GNG7: variants seen among roughly 807,000 people sequenced by gnomAD.
GNG7 encodes guanine nucleotide-binding protein G(I)/G(S)/G(O) subunit gamma-7.
GNG7 carries 1 observed loss-of-function variant against 4.0 expected under a neutral mutation model. That is an observed-to-expected ratio of 0.25 (90% CI 0.09 to 1.18). The LOEUF is 1.18. Ranked by LOEUF, GNG7 falls within the 50% of genes most tolerant of loss-of-function variation. The probability of loss-of-function intolerance (pLI) is 0.50; values close to 1 mark genes in which losing one functional copy is unlikely to be tolerated. For synonymous variants in GNG7, 34 were observed against 36.9 expected (o/e 0.92, Z 0.29); for missense variants, 86 against 91.9 (o/e 0.94, Z 0.26).
At chr19:2,518,248 C>G (rs981774719) in intron 4 of GNG7, among the ~76,000 whole-genome samples, 2 of 151,918 alleles carry the variant, frequency 1.3e-5, no homozygotes, top group East Asian at 3.9e-4. Flanking sequence ...CTGGCTCCCC[C>G]CGAGGCCCGA....
chr19:2,674,126 T>C (rs1354132727), intron 1 of GNG7, among the ~76,000 whole-genome samples: 3 of 152,080 alleles, frequency 2.0e-5, no homozygotes, highest in African/African-American at 4.8e-5. Flanking sequence ...TAGCCAGGTG[T>C]AGTGGCACCT....
intron 2 of GNG7, among the ~76,000 whole-genome samples, chr19:2,574,966 G>A (rs530631431): frequency 8.5e-5 from 13 of 152,314 alleles, no homozygotes; most frequent in Admixed American, 7.8e-4. Context: ...AAGGCTATCA[G>A]CTCCAGCTGC....
intron 3 of GNG7, among the ~76,000 whole-genome samples, chr19:2,548,038 C>G (rs1979184996): frequency 6.6e-6 from 1 of 152,148 alleles, no homozygotes; most frequent in South Asian, 2.1e-4. Flanking sequence ...CTAGAGGTCA[C>G]CAGTATCATG....
intron 2 of GNG7, among the ~76,000 whole-genome samples, chr19:2,603,693 T>C (rs561967845): frequency 3.3e-5 from 5 of 152,230 alleles, no homozygotes; most frequent in African/African-American, 1.2e-4. Flanking sequence ...GCTAGGAGGA[T>C]CATTTCAGTT....
At chr19:2,564,756 G>A (rs1025110614) in intron 2 of GNG7, among the ~76,000 whole-genome samples, 2 of 152,176 alleles carry the variant, frequency 1.3e-5, no homozygotes, top group African/African-American at 2.4e-5. Flanking sequence ...GCCTAGCCCT[G>A]CAGACACCTT....
chr19:2,600,732 T>C (rs1981174149), intron 2 of GNG7, among the ~76,000 whole-genome samples: 1 of 151,834 alleles, frequency 6.6e-6, no homozygotes, highest in Non-Finnish European at 1.5e-5. Context: ...CACCTTGACC[T>C]CTCAAAGCGC....
At chr19:2,666,757 T>A (rs148690524) in intron 1 of GNG7, among the ~76,000 whole-genome samples, 6 of 152,372 alleles carry the variant, frequency 3.9e-5, no homozygotes, top group Non-Finnish European at 8.8e-5. Flanking sequence ...AGCCATAGAC[T>A]ATGCATAAAT....
At chr19:2,569,448 TG>T (rs1980079013) in intron 2 of GNG7, among the ~76,000 whole-genome samples, 1 of 152,116 alleles carries the variant, frequency 6.6e-6, no homozygotes, top group Non-Finnish European at 1.5e-5. Flanking sequence ...GCTAATTTTT[TG>T]TATTTTTAGT....
rs555939034 is a variant in GNG7, at chr19:2,528,852, G to A, written c.-37-8127C>T. On this transcript the variant is annotated intron_variant, in intron 3 of 4. Transcript: ENST00000382159. ...TGTGTGAGGAAACAGGGGTTCCAGA[G>A]TCTGGCAGGCAGGAAGAGGACCCTC... Among the ~76,000 whole-genome samples the A allele has an allele frequency of 7.9e-5, 12 of 152,368 alleles. No individual in the cohort carries two copies. The East Asian group carries it at 2.3e-3, about 29-fold the overall frequency.
chr19:2,680,526 T>G (rs1182719747), intron 1 of GNG7, among the ~76,000 whole-genome samples: 2 of 151,682 alleles, frequency 1.3e-5, no homozygotes, highest in Non-Finnish European at 2.9e-5. Context: ...CCACATAGAC[T>G]AACAGTGGGT....
chr19:2,589,092 C>T (rs1980762096), intron 2 of GNG7, among the ~76,000 whole-genome samples: 1 of 150,722 alleles, frequency 6.6e-6, no homozygotes, highest in Admixed American at 6.6e-5. Flanking sequence ...CCACACCTGG[C>T]TAATTTTGTA....
chr19:2,557,268 TGC>T lies in GNG7; in HGVS notation c.-77-2082_-77-2081del, dbSNP rs1979588056. 6.9e-6 allele frequency among the ~76,000 whole-genome samples: 1 copy of T among 145,400 alleles called. No homozygotes were observed. Among genetic ancestry groups the T allele is most frequent in the African/African-American group, 2.7e-5 (1 of 37,432 alleles). On this transcript the variant is annotated intron_variant, in intron 2 of 4. Coordinates refer to ENST00000382159, the MANE Select transcript of GNG7 (RefSeq NM_052847.3). This position sits in a 1 kb window ranked among gnomAD's most constrained non-coding sequence, Gnocchi z 5.1. ...GTGCACACACACGTGCACACACATT[TGC>T]ACACACAGACACGTGCACACACAGA...
intron 2 of GNG7, among the ~76,000 whole-genome samples, chr19:2,627,564 C>T (rs1193044427): frequency 6.6e-6 from 1 of 152,222 alleles, no homozygotes; most frequent in African/African-American, 2.4e-5. Flanking sequence ...TCTGTCACTC[C>T]CGGCTGATTC....
At chr19:2,520,049 T>C (rs1978299647) in intron 4 of GNG7, among the ~76,000 whole-genome samples, 2 of 152,102 alleles carry the variant, frequency 1.3e-5, no homozygotes, top group African/African-American at 4.8e-5. Context: ...GGCATGGTGG[T>C]GCATGCCTGT....
chr19:2,547,516 C>T (rs191862634), intron 3 of GNG7, among the ~76,000 whole-genome samples: 31 of 152,248 alleles, frequency 2.0e-4, no homozygotes, highest in Admixed American at 1.3e-3. Flanking sequence ...TGCGCCCCCC[C>T]ACCCCGGATC....
At chr19:2,656,719 AC>A (rs1251489218) in intron 1 of GNG7, among the ~76,000 whole-genome samples, 1 of 152,150 alleles carries the variant, frequency 6.6e-6, no homozygotes, top group African/African-American at 2.4e-5. Flanking sequence ...GTGCGTGTTC[AC>A]TTACATATCA....
intron 2 of GNG7, among the ~76,000 whole-genome samples, chr19:2,576,697 C>T (rs1980352684): frequency 6.6e-6 from 1 of 151,800 alleles, no homozygotes; most frequent in Non-Finnish European, 1.5e-5. Flanking sequence ...CAGGTGCGTA[C>T]CAGCCCATCT....
intron 3 of GNG7, among the ~76,000 whole-genome samples, chr19:2,525,902 C>T (rs1221750699): frequency 1.3e-5 from 2 of 149,688 alleles, no homozygotes; most frequent in African/African-American, 2.5e-5. Flanking sequence ...CTCCGCCTTC[C>T]GGGTTCAAGC....
intron 1 of GNG7, among the ~76,000 whole-genome samples, chr19:2,669,285 T>A (rs1475834857): frequency 1.3e-5 from 2 of 151,756 alleles, no homozygotes; most frequent in African/African-American, 4.8e-5. Context: ...AGGTCGGGAG[T>A]TCGAGACCAG....
Sources: allele counts gnomAD v4.1 joint callset (sites outside exome capture counted in the v4.1 genomes callset), GRCh38; gene constraint gnomAD v4.1.1; non-coding constraint Gnocchi (gnomAD v3.1); transcripts MANE v1.5; gene names NCBI Gene and HGNC (gene_info 2026-07-23, HGNC 2026-07-21).